Variants in REV3L observed in about 807,000 individuals in gnomAD.
REV3L encodes REV3 like, DNA directed polymerase zeta catalytic subunit, also known as DNA polymerase zeta catalytic subunit.
REV3L carries 69 observed loss-of-function variants against 299.4 expected under a neutral mutation model. The observed-to-expected ratio is 0.23, with a 90% confidence interval of 0.19 to 0.28. REV3L has a LOEUF of 0.28. Among genes scored for constraint, REV3L ranks in the 10% least tolerant of loss-of-function variants. The pLI, the probability that REV3L is intolerant of heterozygous loss-of-function variation, is 1.00. For synonymous variants in REV3L, 1,238 were observed against 1,271.4 expected (o/e 0.97, Z 0.56); for missense variants, 3,128 against 3,693.8 (o/e 0.85, Z 3.97).
Position 111,392,989 on chromosome 6 carries a change from A to G in REV3L, c.566-17T>C. Reference sequence around the variant, plus strand: ...ATGTATTACCTAGGAATAGAAAGGTAAAAGGAATAAATTCTACTTTCAATT... The same window carrying G: ...ATGTATTACCTAGGAATAGAAAGGTGAAAGGAATAAATTCTACTTTCAATT... On this transcript the variant is annotated splice_polypyrimidine_tract_variant and intron_variant, in intron 4 of 31. Transcript: ENST00000368802. 1 of 1,514,894 alleles carries G rather than the reference A, an allele frequency of 6.6e-7. No individual in the cohort carries two copies. The highest frequency in any genetic ancestry group is 9.1e-7 in the Non-Finnish European group (1 of 1,095,272). 93.8% of individuals were successfully genotyped at this position (1,514,894 alleles called of 1,614,324 possible).
intron 1 of REV3L, among the ~76,000 whole-genome samples, chr6:111,446,670 CA>C (rs1467642812): frequency 1.3e-5 from 2 of 151,754 alleles, no homozygotes; most frequent in Non-Finnish European, 2.9e-5. Context: ...CACTGCACTC[CA>C]GCATGAGCGA....
intron 1 of REV3L, among the ~76,000 whole-genome samples, chr6:111,443,753 T>C (rs573979568): frequency 6.6e-6 from 1 of 152,338 alleles, no homozygotes; most frequent in East Asian, 1.9e-4. Context: ...AGCTATCCTT[T>C]CACTGAAAAT....
At chr6:111,476,355 C>G (rs1342455619) in intron 1 of REV3L, among the ~76,000 whole-genome samples, 2 of 152,088 alleles carry the variant, frequency 1.3e-5, no homozygotes, top group Admixed American at 1.3e-4. Context: ...TAGCGTCTTT[C>G]CATGTTGCCC....
intron 20 of REV3L, 57 bp from the exon 21 acceptor site, chr6:111,344,100 G>C (rs1467402034): frequency 5.1e-6 from 6 of 1,181,762 alleles, no homozygotes; most frequent in South Asian, 2.9e-5. Flanking sequence ...TAGCAAATTT[G>C]GTTCTAAAAG....
intron 1 of REV3L, among the ~76,000 whole-genome samples, chr6:111,427,834 G>A (rs1000045951): frequency 1.5e-4 from 23 of 152,166 alleles, no homozygotes; most frequent in African/African-American, 4.3e-4. Flanking sequence ...AGAAGAGGTC[G>A]GAGGTGGGAC....
At chr6:111,430,192 G>T in intron 1 of REV3L, 1 of 804,722 alleles carries the variant, frequency 1.2e-6, no homozygotes, top group South Asian at 1.3e-5. Context: ...CCTCTCACAA[G>T]CACTTTAGCC....
intron 19 of REV3L, among the ~76,000 whole-genome samples, chr6:111,350,263 T>A (rs1015874932): frequency 6.6e-6 from 1 of 152,142 alleles, no homozygotes; most frequent in East Asian, 1.9e-4. Context: ...ATTACCTGAA[T>A]CCAAAGACCA....
chr6:111,319,405 G>A (rs1156406937), intron 26 of REV3L, among the ~76,000 whole-genome samples: 1 of 152,014 alleles, frequency 6.6e-6, no homozygotes, highest in Non-Finnish European at 1.5e-5. Context: ...AGCATGCAGT[G>A]AGCTGAGATT....
In REV3L at chr6:111,376,610, G is replaced by A. The variant is rs1428307851; in HGVS notation, c.1745C>T (p.Thr582Ile). Residue 582 changes from threonine (T) to isoleucine (I), a missense_variant, in exon 13 of 32, where the codon ACA becomes ATA. Around this residue, in one of 9 missense-constraint regions of REV3L, gnomAD observed 2,409 missense variants for 2,611.8 expected, o/e 0.92. Transcript: ENST00000368802. The stretch of plus-strand genomic sequence containing the variant: ...CAAAACATGGGAAGAAAGGGCACTT[G>A]TGTGTTTACACTGAAAGGTAATCTT... ...SAKITFQCKHTSALSSHVLNK... is the reference protein window; with the variant it reads ...SAKITFQCKHISALSSHVLNK... 6 of 1,613,384 alleles carry A rather than the reference G, an allele frequency of 3.7e-6. No homozygotes were observed. The highest frequency in any genetic ancestry group is 4.2e-6 in the Non-Finnish European group (5 of 1,179,858).
At chr6:111,419,557 C>T (rs1226474935) in intron 1 of REV3L, among the ~76,000 whole-genome samples, 1 of 152,268 alleles carries the variant, frequency 6.6e-6, no homozygotes, top group South Asian at 2.1e-4. Flanking sequence ...CTACAACTCC[C>T]GTTAGTTAGG....
chr6:111,472,718 T>A (rs1444460563), intron 1 of REV3L, among the ~76,000 whole-genome samples: 2 of 152,182 alleles, frequency 1.3e-5, no homozygotes, highest in Non-Finnish European at 2.9e-5. Context: ...AAAGTATTTT[T>A]CATTTATAAA....
intron 4 of REV3L, among the ~76,000 whole-genome samples, chr6:111,395,795 T>C (rs1175757388): frequency 6.6e-6 from 1 of 152,164 alleles, no homozygotes; most frequent in African/African-American, 2.4e-5. Flanking sequence ...TTTCAGCTTT[T>C]CCCCATTCAG....
rs140124685 is a variant in REV3L at position 111,481,049 on chromosome 6, C to A, written c.139+1701G>T. 1.8e-3 allele frequency among the ~76,000 whole-genome samples: 272 copies of A among 152,194 alleles called. 2 individuals are homozygous for A. The highest frequency in any genetic ancestry group is 6.2e-3 in the African/African-American group (258 of 41,532). Reference sequence around the variant, plus strand: ...TTTCCACAAACGAAACTTTCCTATACAACAAAGCTTGACTATCTCTCAGGA... The same window carrying A: ...TTTCCACAAACGAAACTTTCCTATAAAACAAAGCTTGACTATCTCTCAGGA... On this transcript the variant is annotated intron_variant, in intron 1 of 31. Coordinates refer to ENST00000368802, the MANE Select transcript of REV3L (RefSeq NM_001372078.1).
In REV3L at chr6:111,372,616, A is replaced by C. The variant is rs775460925; in HGVS notation, c.5739T>G (p.Ser1913=). ...IYQEPFCSNP[S]DVPEKPREIG... ...ATTACCTGGGCTTTTCTGGTACATC[A>C]GAAGGATTACTGCAAAATGGTTCCT... is the stretch of plus-strand genomic sequence containing the variant. Residue 1913 remains serine (S), a synonymous_variant, in exon 13 of 32, where the codon TCT becomes TCG. Coordinates refer to ENST00000368802, the MANE Select transcript of REV3L (RefSeq NM_001372078.1). 8 of 1,496,348 alleles carry C rather than the reference A, an allele frequency of 5.3e-6. No individual in the cohort carries two copies. Among genetic ancestry groups the C allele is most frequent in the Non-Finnish European group, 6.2e-6 (7 of 1,124,562 alleles). 92.7% of individuals were successfully genotyped at this position (1,496,348 alleles called of 1,614,324 possible).
intron 1 of REV3L, chr6:111,460,535 T>C (rs1320293766): frequency 6.6e-6 from 1 of 152,048 alleles, no homozygotes; most frequent in Non-Finnish European, 1.5e-5. Context: ...CAGAATTCTA[T>C]ATTCAGCAAG....
intron 4 of REV3L, among the ~76,000 whole-genome samples, chr6:111,400,452 T>C (rs1782970765): frequency 6.6e-6 from 1 of 152,224 alleles, no homozygotes; most frequent in Admixed American, 6.5e-5. Flanking sequence ...TAGCCCTTTG[T>C]AGTTTTAATC....
chr6:111,448,396 T>C (rs1318457268), intron 1 of REV3L, among the ~76,000 whole-genome samples: 3 of 151,968 alleles, frequency 2.0e-5, no homozygotes, highest in African/African-American at 7.3e-5. Context: ...TGGCGTATAA[T>C]AGAGTAATCT....
chr6:111,466,404 C>G (rs1791519333), intron 1 of REV3L, among the ~76,000 whole-genome samples: 1 of 151,920 alleles, frequency 6.6e-6, no homozygotes, highest in Non-Finnish European at 1.5e-5. Context: ...AAAAAAAGCA[C>G]ATAGAGGAAT....
intron 1 of REV3L, among the ~76,000 whole-genome samples, chr6:111,467,496 G>A (rs1488199077): frequency 6.6e-6 from 1 of 152,206 alleles, no homozygotes; most frequent in Non-Finnish European, 1.5e-5. Context: ...TGAACAGATT[G>A]AAAATTATAT....
Sources: gnomAD v4.1 joint callset for allele counts (sites outside exome capture counted in the v4.1 genomes callset) on GRCh38, gnomAD v4.1.1 for gene constraint, gnomAD v4.1.1 regional missense constraint, MANE v1.5 for transcripts, NCBI Gene and HGNC (gene_info 2026-07-23, HGNC 2026-07-21) for gene names.